Variants in BHMT2 observed in about 807,000 individuals in gnomAD.
BHMT2 encodes S-methylmethionine--homocysteine S-methyltransferase BHMT2.
Under a neutral mutation model 39.0 loss-of-function variants are expected in BHMT2, and 28 were observed. That is an observed-to-expected ratio of 0.72 (90% CI 0.53 to 0.98). BHMT2 has a LOEUF of 0.98. Among genes scored for constraint, BHMT2 ranks in the 50% least tolerant of loss-of-function variants. The pLI, the probability that BHMT2 is intolerant of heterozygous loss-of-function variation, is 0.00. For synonymous variants in BHMT2, 145 were observed against 160.6 expected (o/e 0.90, Z 0.74); for missense variants, 410 against 455.6 (o/e 0.90, Z 0.91).
intron 1 of BHMT2, among the ~76,000 whole-genome samples, chr5:79,074,051 C>T (rs1755627918): frequency 6.6e-6 from 1 of 152,202 alleles, no homozygotes; most frequent in African/African-American, 2.4e-5. Flanking sequence ...CTCCTTCTCC[C>T]TATATGACAG....
rs1000581075 is a variant in BHMT2, at chr5:79,082,060, G to A, written c.451-749G>A. 2.6e-5 allele frequency among the ~76,000 whole-genome samples: 4 copies of A among 152,160 alleles called. No individual in the cohort carries two copies. The East Asian group carries it at 7.7e-4, about 29-fold the overall frequency. On this transcript the variant is annotated intron_variant, in intron 4 of 7. Transcript: ENST00000255192. ...CACCACTCTGTTTGTTTAAGAACCC[G>A]TCTTTTGATTCTCTCATAATTCCTC... is the stretch of plus-strand genomic sequence containing the variant.
chr5:79,085,013 C>T (rs1368270256), intron 7 of BHMT2, among the ~76,000 whole-genome samples: 1 of 152,166 alleles, frequency 6.6e-6, no homozygotes, highest in East Asian at 1.9e-4. Flanking sequence ...CACCTTCCCT[C>T]TCTCATCTAC....
At chr5:79,070,560 AG>A (rs1401105098) in intron 1 of BHMT2, among the ~76,000 whole-genome samples, 1 of 152,176 alleles carries the variant, frequency 6.6e-6, no homozygotes, top group Non-Finnish European at 1.5e-5. Flanking sequence ...AGACATCCCC[AG>A]GACCCTTCAG....
chr5:79,088,698 G>C lies in BHMT2; in HGVS notation c.*124G>C, dbSNP rs763691230. ...CTATCTCCAGCTGCTGAGCAGCTGA[G>C]GTGCTGCAGCCCCTTCCCTTCCAGC... is the stretch of plus-strand genomic sequence containing the variant. On this transcript the variant is annotated 3_prime_UTR_variant, in exon 8 of 8. Coordinates refer to ENST00000255192, the MANE Select transcript of BHMT2 (RefSeq NM_017614.5). 1 of 716,298 alleles carries C rather than the reference G, an allele frequency of 1.4e-6. No individual in the cohort carries two copies. The highest frequency in any genetic ancestry group is 2.4e-6 in the Non-Finnish European group (1 of 423,858). 44.4% of individuals were successfully genotyped at this position (716,298 alleles called of 1,614,324 possible).
chr5:79,077,377 C>A, intron 1 of BHMT2, 103 bp from the exon 2 acceptor site: 1 of 1,414,488 alleles, frequency 7.1e-7, no homozygotes, highest in Non-Finnish European at 9.5e-7. Flanking sequence ...AACAAAACTA[C>A]AGCTCTAAGA....
chr5:79,071,845 A>AC (rs1755585521), intron 1 of BHMT2, among the ~76,000 whole-genome samples: 2 of 144,532 alleles, frequency 1.4e-5, no homozygotes, highest in South Asian at 4.3e-4. Context: ...AAAAAAAAAA[A>AC]CTAAAGAAGG....
At chr5:79,080,545 C>A in intron 3 of BHMT2, 142 bp from the exon 4 acceptor site, 1 of 647,216 alleles carries the variant, frequency 1.5e-6, no homozygotes, top group Middle Eastern at 4.4e-4. Context: ...GAGATTGTAC[C>A]CAACTCTGCT....
chr5:79,086,722 G>T (rs1048298253), intron 7 of BHMT2, among the ~76,000 whole-genome samples: 1 of 151,808 alleles, frequency 6.6e-6, no homozygotes, highest in Admixed American at 6.6e-5. Flanking sequence ...CTTCATACTT[G>T]GTCTGACTTT....
intron 2 of BHMT2, 79 bp downstream of exon 2, chr5:79,077,691 A>T (rs7732821): frequency 0.18 from 272,050 of 1,516,860 alleles, 25,739 homozygotes; most frequent in African/African-American, 0.26. Flanking sequence ...CAAGAAAAAA[A>T]TAACAACTGT....
chr5:79,080,825 C>T lies in BHMT2; in HGVS notation c.397C>T (p.Arg133Ter), dbSNP rs374028274. Residue 133 changes from arginine to a stop codon, truncating the protein, a stop_gained, in exon 4 of 8, where the codon CGA becomes TGA. Transcript: ENST00000255192. LOFTEE classifies it high-confidence loss of function. ...TGAAGCTAGAATTAAAAAACTTTTT[C>T]GACAACAGCTAGAAGTTTTTGCCTG... is the stretch of plus-strand genomic sequence containing the variant. ...KDEARIKKLFRQQLEVFAWKN... is the reference protein window; with the variant it reads ...KDEARIKKLF 9.7e-5 allele frequency: 155 copies of T among 1,605,064 alleles called. No individual in the cohort carries two copies. The highest frequency in any genetic ancestry group is 4.9e-5 in the Non-Finnish European group (58 of 1,177,396).
chr5:79,073,340 T>C (rs923439953), intron 1 of BHMT2, among the ~76,000 whole-genome samples: 1 of 152,254 alleles, frequency 6.6e-6, no homozygotes, highest in Admixed American at 6.5e-5. Context: ...ACAGTAACTG[T>C]ACCTCTGACT....
At chr5:79,077,645 G>A in intron 2 of BHMT2, 33 bp downstream of exon 2, 7 of 1,581,544 alleles carry the variant, frequency 4.4e-6, no homozygotes, top group Non-Finnish European at 6.0e-6. Flanking sequence ...GTGTCTACCT[G>A]AGTGGTATTT....
At chr5:79,074,030 G>A (rs183259620) in intron 1 of BHMT2, among the ~76,000 whole-genome samples, 3 of 152,306 alleles carry the variant, frequency 2.0e-5, no homozygotes, top group East Asian at 1.9e-4. Flanking sequence ...AGCTGAGGTC[G>A]CTGGAGCAGC....
Position 79,083,258 on chromosome 5 carries a change from T to C in BHMT2, c.665T>C (p.Met222Thr), listed in dbSNP as rs370259397. 17 of 1,614,082 alleles carry C rather than the reference T, an allele frequency of 1.1e-5. No individual in the cohort carries two copies. In the African/African-American group the frequency reaches 2.1e-4, roughly 20 times the overall value. ...ACCAGCTTGAAGACGATGGAGCTCA[T>C]GAAGGAGGGTCTTGAGTGGGCAGGG... ...PDTSLKTMEL[M>T]KEGLEWAGLK... is the part of the protein sequence containing the mutation. The change falls in exon 6 of 8, where the codon ATG (methionine) becomes ACG (threonine). Residue 222 changes from methionine (M) to threonine (T), a missense_variant. Transcript: ENST00000255192.
chr5:79,083,341 G>A lies in BHMT2; in HGVS notation c.748G>A (p.Glu250Lys), dbSNP rs752470111. The change falls in exon 6 of 8, where the codon GAG becomes AAG. Residue 250 changes from glutamate to lysine, a missense_variant. Physicochemically the swap from Glu to Lys is moderately conservative, Grantham distance 56 (BLOSUM62 1). Coordinates refer to ENST00000255192, the MANE Select transcript of BHMT2 (RefSeq NM_017614.5). ...GTTCCACGCGCCTGACTGTGGCAAA[G>A]AGGGGTTTGTGGATCTCCCAGAATA... ...LGFHAPDCGK[E>K]GFVDLPEYPF... The A allele has an allele frequency of 6.2e-7, 1 of 1,608,256 alleles. No individual in the cohort carries two copies. The highest frequency in any genetic ancestry group is 1.1e-5 in the South Asian group (1 of 90,486).
chr5:79,078,164 G>T (rs1190133324), intron 2 of BHMT2: 1 of 151,996 alleles, frequency 6.6e-6, no homozygotes, highest in East Asian at 1.9e-4. Context: ...TTATAGTGAG[G>T]GTGATTAATG....
At chr5:79,077,322 T>C (rs57906668) in intron 1 of BHMT2, among the ~76,000 whole-genome samples, 158 bp from the exon 2 acceptor site, 19,046 of 152,178 alleles carry the variant, frequency 0.13, 1,418 homozygotes, top group Non-Finnish European at 0.17. Context: ...CCAAGAAATA[T>C]GGTATGCTCA....
chr5:79,084,783 C>G (rs1755863427), intron 7 of BHMT2, among the ~76,000 whole-genome samples: 1 of 152,096 alleles, frequency 6.6e-6, no homozygotes, highest in Non-Finnish European at 1.5e-5. Context: ...TATTGATAAC[C>G]CTTTATGAAA....
intron 3 of BHMT2, among the ~76,000 whole-genome samples, chr5:79,080,436 A>G (rs1304976409): frequency 1.3e-5 from 2 of 152,204 alleles, no homozygotes; most frequent in Non-Finnish European, 2.9e-5. Context: ...CATAGACCCT[A>G]TCTGGAGGTG....
Sources: gnomAD v4.1 joint callset for allele counts (sites outside exome capture counted in the v4.1 genomes callset) on GRCh38, gnomAD v4.1.1 for gene constraint, MANE v1.5 for transcripts, NCBI Gene and HGNC (gene_info 2026-07-23, HGNC 2026-07-21) for gene names.